Variants in CCDC83 observed in about 807,000 individuals in gnomAD.
CCDC83 encodes the protein coiled-coil domain containing 83.
Under a neutral mutation model 50.1 loss-of-function variants are expected in CCDC83, and 54 were observed. The observed-to-expected ratio is 1.08, with a 90% CI of 0.87 to 1.35. The LOEUF (loss-of-function observed/expected upper bound fraction) is 1.35, where lower values mean the gene tolerates loss of function less well. Ranked by LOEUF, CCDC83 falls within the 40% of genes most tolerant of loss-of-function variation. CCDC83 has a pLI of 0.00. For missense variants in CCDC83, 518 were observed against 473.9 expected (o/e 1.09, Z -0.86); for synonymous variants, 161 against 153.3 (o/e 1.05, Z -0.37).
At chr11:85,873,597 T>C (rs2093252528) in intron 3 of CCDC83, among the ~76,000 whole-genome samples, 1 of 152,236 alleles carries the variant, frequency 6.6e-6, no homozygotes, top group African/African-American at 2.4e-5. Flanking sequence ...TTTGACTTTT[T>C]ATTTAACCAA....
At chr11:85,911,836 G>C (rs191079413) in intron 8 of CCDC83, among the ~76,000 whole-genome samples, 2 of 152,074 alleles carry the variant, frequency 1.3e-5, no homozygotes, top group African/African-American at 4.8e-5. Flanking sequence ...TATTTCTTTC[G>C]GTTGAAAGAG....
At chr11:85,863,386 G>T (rs907569517) in intron 1 of CCDC83, among the ~76,000 whole-genome samples, 1 of 152,148 alleles carries the variant, frequency 6.6e-6, no homozygotes, top group Admixed American at 6.5e-5. Context: ...ACACCTTTTG[G>T]TGGGAGCCTA....
intron 1 of CCDC83, among the ~76,000 whole-genome samples, chr11:85,859,006 A>T (rs2093159110): frequency 6.6e-6 from 1 of 152,096 alleles, no homozygotes; most frequent in Admixed American, 6.6e-5. Flanking sequence ...GGGGCCATAA[A>T]AACATAAAAG....
intron 10 of CCDC83, 91 bp from the exon 11 acceptor site, chr11:85,919,258 A>C: frequency 8.2e-7 from 1 of 1,220,654 alleles, no homozygotes. Context: ...CTGTCAGATA[A>C]AGGCCAACTG....
intron 4 of CCDC83, among the ~76,000 whole-genome samples, chr11:85,885,148 A>G (rs2093320677): frequency 6.6e-6 from 1 of 151,944 alleles, no homozygotes; most frequent in African/African-American, 2.4e-5. Flanking sequence ...TGGGAGGTGG[A>G]GGTTGCAGTG....
chr11:85,917,680 A>G (rs2093488728), intron 10 of CCDC83, among the ~76,000 whole-genome samples: 1 of 152,230 alleles, frequency 6.6e-6, no homozygotes, highest in South Asian at 2.1e-4. Context: ...GTAAGAAAGC[A>G]GAAGAAACTG....
intron 3 of CCDC83, among the ~76,000 whole-genome samples, chr11:85,879,786 AT>A (rs1168861327): frequency 6.6e-6 from 1 of 152,008 alleles, no homozygotes; most frequent in Non-Finnish European, 1.5e-5. Flanking sequence ...TGCCCGGCTA[AT>A]TTTGTATTTT....
intron 7 of CCDC83, among the ~76,000 whole-genome samples, chr11:85,908,934 T>A (rs7127309): frequency 0.014 from 2,187 of 151,700 alleles, 47 homozygotes; most frequent in African/African-American, 0.051. Flanking sequence ...TTTTTTTGGT[T>A]TTTTGTTTGT....
intron 8 of CCDC83, 128 bp downstream of exon 8, chr11:85,911,530 CA>C (rs1554985805): frequency 1.7e-4 from 119 of 702,374 alleles, no homozygotes; most frequent in South Asian, 3.0e-4. Flanking sequence ...AAGAAAGGGA[CA>C]AAAAAAATGC....
At chr11:85,882,283 A>G (rs1011001992) in intron 3 of CCDC83, among the ~76,000 whole-genome samples, 1 of 152,152 alleles carries the variant, frequency 6.6e-6, no homozygotes, top group Non-Finnish European at 1.5e-5. Context: ...TAATAATGTC[A>G]TAAGACTCTA....
chr11:85,906,167 G>T (rs1041584522), intron 7 of CCDC83, among the ~76,000 whole-genome samples: 1 of 151,366 alleles, frequency 6.6e-6, no homozygotes, highest in Non-Finnish European at 1.5e-5. Flanking sequence ...CCAGGTTCAA[G>T]CGATTCTCCT....
At chr11:85,918,768 G>T (rs918546578) in intron 10 of CCDC83, among the ~76,000 whole-genome samples, 2 of 152,202 alleles carry the variant, frequency 1.3e-5, no homozygotes, top group African/African-American at 4.8e-5. Flanking sequence ...GGAGGGGAAA[G>T]CAGGAAGGTA....
chr11:85,917,206 G>GAGA (rs1261641902), intron 10 of CCDC83, among the ~76,000 whole-genome samples: 256 of 124,944 alleles, frequency 2.0e-3, no homozygotes, highest in Middle Eastern at 7.5e-3. Context: ...AAGAAAGAAA[G>GAGA]AAGGAAAGAA....
At chr11:85,882,742 T>C in intron 4 of CCDC83, 67 bp downstream of exon 4, 3 of 1,403,854 alleles carry the variant, frequency 2.1e-6, no homozygotes, top group Non-Finnish European at 3.0e-6. Flanking sequence ...TATTAATGCT[T>C]TATTCTTCCA....
At chr11:85,867,429 CTG>C (rs1206513460) in intron 2 of CCDC83, among the ~76,000 whole-genome samples, 1 of 152,186 alleles carries the variant, frequency 6.6e-6, no homozygotes, top group African/African-American at 2.4e-5. Flanking sequence ...CAGGGAAAAT[CTG>C]TCTCCTTCTT....
chr11:85,914,694 T>G (rs1460186349), intron 8 of CCDC83, among the ~76,000 whole-genome samples: 2 of 152,210 alleles, frequency 1.3e-5, no homozygotes, highest in African/African-American at 4.8e-5. Context: ...TTATTTGGAA[T>G]GCCCTTCTTT....
At chr11:85,916,982 G>A (rs1022761849) in intron 10 of CCDC83, among the ~76,000 whole-genome samples, 8 of 151,648 alleles carry the variant, frequency 5.3e-5, no homozygotes, top group African/African-American at 1.5e-4. Flanking sequence ...ATGGTGGTGC[G>A]TGCCTGTAAT....
chr11:85,865,304 A>T (rs2093200688), intron 2 of CCDC83, 86 bp downstream of exon 2: 1 of 821,490 alleles, frequency 1.2e-6, no homozygotes, highest in African/African-American at 1.7e-5. Flanking sequence ...TGCAAACAAT[A>T]CATGCAGCAG....
At chr11:85,905,969 CAA>C (rs760367430) in intron 7 of CCDC83, among the ~76,000 whole-genome samples, 81 of 47,616 alleles carry the variant, frequency 1.7e-3, no homozygotes, top group Admixed American at 0.011. Context: ...GACTCCGTCT[CAA>C]AAAAAAAAAA....
Sources: gnomAD v4.1 joint callset for allele counts (sites outside exome capture counted in the v4.1 genomes callset) on GRCh38, gnomAD v4.1.1 for gene constraint, MANE v1.5 for transcripts, NCBI Gene and HGNC (gene_info 2026-07-23, HGNC 2026-07-21) for gene names.